Variants in RANBP2 observed in about 807,000 individuals in gnomAD.
RANBP2 encodes E3 SUMO-protein ligase RanBP2.
Under a neutral mutation model 303.6 loss-of-function variants are expected in RANBP2, and 57 were observed. The ratio of observed to expected loss-of-function variants is 0.19; its 90% CI spans 0.15 to 0.23. RANBP2 has a LOEUF of 0.23. Ranked by LOEUF, RANBP2 falls within the 10% of genes least tolerant of loss-of-function variation. The pLI is 1.00. For missense variants in RANBP2, 3,138 were observed against 3,780.8 expected, an observed-to-expected ratio of 0.83 and a Z score of 4.46; for synonymous variants, 1,167 against 1,301.5, an observed-to-expected ratio of 0.90 and a Z score of 2.23.
the RANBP2 span, among the ~76,000 whole-genome samples, chr2:108,934,579 T>C: frequency 6.6e-6 from 1 of 152,158 alleles, no homozygotes; most frequent in Non-Finnish European, 1.5e-5. Context: ...TTATTTGGGG[T>C]TCTGGTTCTG....
the RANBP2 span, among the ~76,000 whole-genome samples, chr2:109,631,044 C>T: frequency 0.38 from 58,165 of 151,966 alleles, 12,271 homozygotes; most frequent in Middle Eastern, 0.57. Context: ...CCAGCCTGAG[C>T]GAGACTCCGT....
the RANBP2 span, among the ~76,000 whole-genome samples, chr2:109,174,596 C>T: frequency 6.6e-6 from 1 of 152,130 alleles, no homozygotes; most frequent in Non-Finnish European, 1.5e-5. Context: ...CTATGGTGTT[C>T]GTATCTAGGT....
the RANBP2 span, among the ~76,000 whole-genome samples, chr2:108,853,734 C>CA: frequency 2.5e-3 from 373 of 147,498 alleles, 2 homozygotes; most frequent in African/African-American, 9.1e-3. Context: ...CCATGTTGCC[C>CA]AAGCTGGTCT....
chr2:109,307,997 A>G, the RANBP2 span, among the ~76,000 whole-genome samples: 1 of 143,010 alleles, frequency 7.0e-6, no homozygotes, highest in Non-Finnish European at 1.5e-5. Context: ...AGGAATCGCC[A>G]CACTGACTTC....
At chr2:109,308,134 A>T in the RANBP2 span, among the ~76,000 whole-genome samples, 1 of 142,848 alleles carries the variant, frequency 7.0e-6, no homozygotes, top group Non-Finnish European at 1.5e-5. Context: ...GTGAGATGGT[A>T]TCTCATTGTG....
the RANBP2 span, among the ~76,000 whole-genome samples, chr2:109,522,495 C>G: frequency 1.3e-5 from 2 of 152,056 alleles, no homozygotes; most frequent in African/African-American, 4.8e-5. Context: ...CGGGGTTTCA[C>G]CATGTTGGCC....
chr2:108,920,256 T>A, the RANBP2 span, among the ~76,000 whole-genome samples: 1,242 of 152,300 alleles, frequency 8.2e-3, 14 homozygotes, highest in African/African-American at 0.029. Flanking sequence ...TCATCACATC[T>A]TTCCTCCCAA....
the RANBP2 span, among the ~76,000 whole-genome samples, chr2:109,285,705 TGC>T: frequency 6.6e-6 from 1 of 152,336 alleles, no homozygotes; most frequent in East Asian, 1.9e-4. Context: ...AGCTTGCTTT[TGC>T]ATCTGTCCCT....
the RANBP2 span, among the ~76,000 whole-genome samples, chr2:109,261,129 G>C: frequency 6.6e-6 from 1 of 152,118 alleles, no homozygotes; most frequent in Admixed American, 6.5e-5. Context: ...AGCCAGGCCC[G>C]TGAGCTAGCC....
chr2:108,887,386 G>A, the RANBP2 span, among the ~76,000 whole-genome samples: 1 of 152,086 alleles, frequency 6.6e-6, no homozygotes, highest in Non-Finnish European at 1.5e-5. Context: ...TGAATTTTAG[G>A]ATTGCTTTTT....
the RANBP2 span, among the ~76,000 whole-genome samples, chr2:108,878,664 T>C: frequency 6.6e-6 from 1 of 152,188 alleles, no homozygotes; most frequent in Non-Finnish European, 1.5e-5. Context: ...TGAAAAAAAT[T>C]GTTTTTAAAT....
At chr2:109,180,420 A>G in the RANBP2 span, among the ~76,000 whole-genome samples, 1 of 152,156 alleles carries the variant, frequency 6.6e-6, no homozygotes, top group Non-Finnish European at 1.5e-5. Flanking sequence ...TAGCTAGCCA[A>G]TGAACTGGCT....
the RANBP2 span, among the ~76,000 whole-genome samples, chr2:108,821,750 G>A: frequency 1.3e-5 from 2 of 151,990 alleles, no homozygotes; most frequent in African/African-American, 4.8e-5. Flanking sequence ...TTCAAGACCA[G>A]CCTGGTCAAC....
the RANBP2 span, among the ~76,000 whole-genome samples, chr2:108,881,118 GA>G: frequency 6.6e-6 from 1 of 152,252 alleles, no homozygotes; most frequent in Admixed American, 6.5e-5. Context: ...TCTTCCAATA[GA>G]AGGCTGTTTC....
chr2:109,548,450 G>A, the RANBP2 span, among the ~76,000 whole-genome samples: 5 of 152,186 alleles, frequency 3.3e-5, no homozygotes, highest in African/African-American at 7.2e-5. Context: ...ATTGGCTCAC[G>A]GAGGTTTACA....
the RANBP2 span, among the ~76,000 whole-genome samples, chr2:108,813,705 G>T: frequency 2.6e-5 from 4 of 152,046 alleles, no homozygotes; most frequent in Non-Finnish European, 5.9e-5. Flanking sequence ...ATTTCATGTT[G>T]TCTATAACCA....
At chr2:109,042,329 CT>C in the RANBP2 span, among the ~76,000 whole-genome samples, 2 of 152,244 alleles carry the variant, frequency 1.3e-5, no homozygotes, top group East Asian at 1.9e-4. Flanking sequence ...TTATGTTTGA[CT>C]TTTTTTCCTG....
chr2:109,226,919 G>A, the RANBP2 span, among the ~76,000 whole-genome samples: 2 of 152,256 alleles, frequency 1.3e-5, no homozygotes, highest in Admixed American at 1.3e-4. Context: ...AGATAACCAA[G>A]GGTCCTGAGG....
the RANBP2 span, among the ~76,000 whole-genome samples, chr2:109,607,077 G>A: frequency 1.9e-4 from 29 of 152,104 alleles, no homozygotes; most frequent in Admixed American, 1.9e-3. Flanking sequence ...GCTCTTCTCC[G>A]CTAATCCATG....
Sources: gnomAD v4.1 joint callset for allele counts (sites outside exome capture counted in the v4.1 genomes callset) on GRCh38, gnomAD v4.1.1 for gene constraint, MANE v1.5 for transcripts, NCBI Gene and HGNC (gene_info 2026-07-23, HGNC 2026-07-21) for gene names.